The following NCAM2 variants were observed in gnomAD, a reference collection of about 807,000 sequenced individuals.
NCAM2 encodes neural cell adhesion molecule 2, also known as N-CAM-2.
A neutral mutation model predicts 98.1 loss-of-function variants in NCAM2; 30 were observed. The ratio of observed to expected loss-of-function variants is 0.31; its 90% confidence interval spans 0.23 to 0.41. NCAM2 has a LOEUF of 0.41. NCAM2 is among the 10% of genes least tolerant of loss of function. The pLI is 1.00. For synonymous variants in NCAM2, 368 were observed against 342.4 expected (o/e 1.07, Z -0.83); for missense variants, 867 against 1,005.8 (o/e 0.86, Z 1.87).
intron 5 of NCAM2, among the ~76,000 whole-genome samples, chr21:21,295,651 G>A (rs1213467205): frequency 6.6e-6 from 1 of 151,720 alleles, no homozygotes; most frequent in Non-Finnish European, 1.5e-5. Flanking sequence ...CCCAAATAGG[G>A]ACTTACCCTT....
At chr21:21,010,162 A>T (rs1475685089) in intron 1 of NCAM2, among the ~76,000 whole-genome samples, 1 of 151,968 alleles carries the variant, frequency 6.6e-6, no homozygotes, top group Admixed American at 6.6e-5. Flanking sequence ...CTCCCTCCTA[A>T]AGTTTACATA....
intron 6 of NCAM2, among the ~76,000 whole-genome samples, chr21:21,334,854 G>GAA (rs147963541): frequency 6.6e-6 from 1 of 151,400 alleles, no homozygotes; most frequent in East Asian, 1.9e-4. Flanking sequence ...TTTCAGTAGA[G>GAA]AAAAAAAACC....
chr21:21,309,590 G>A (rs896983215), intron 5 of NCAM2, among the ~76,000 whole-genome samples: 1 of 152,104 alleles, frequency 6.6e-6, no homozygotes. Flanking sequence ...CCTCTCATGG[G>A]TGCACTCATC....
Position 21,286,429 on chromosome 21 carries a change from C to A in NCAM2, c.481+17C>A. ...TTTCCGACAGTTAGTATTTTGGTAA[C>A]TCCCTAAGTTATATGTTCTAATACT... On this transcript the variant is annotated intron_variant, in intron 4 of 17. Transcript: ENST00000400546. 6.2e-7 allele frequency: 1 copy of A among 1,609,488 alleles called. No homozygotes were observed.
chr21:21,527,950 A>T (rs1989417607), intron 16 of NCAM2, among the ~76,000 whole-genome samples: 1 of 152,380 alleles, frequency 6.6e-6, no homozygotes. Flanking sequence ...CAATTAAAAC[A>T]TCCTTCAGTA....
intron 1 of NCAM2, among the ~76,000 whole-genome samples, chr21:21,247,180 G>A (rs981290369): frequency 1.7e-4 from 26 of 152,044 alleles, no homozygotes; most frequent in Non-Finnish European, 3.2e-4. Context: ...TTAGCCTGGC[G>A]TGGTGGTGGG....
chr21:21,404,405 A>T (rs2076694725), intron 9 of NCAM2, among the ~76,000 whole-genome samples: 1 of 152,074 alleles, frequency 6.6e-6, no homozygotes, highest in Non-Finnish European at 1.5e-5. Flanking sequence ...ACGAGAGCTG[A>T]TGGTTTTATA....
chr21:21,161,022 G>C (rs1165903963), intron 1 of NCAM2, among the ~76,000 whole-genome samples: 2 of 151,974 alleles, frequency 1.3e-5, no homozygotes, highest in Non-Finnish European at 2.9e-5. Flanking sequence ...CCCTGAAATA[G>C]TGATTGAGAA....
intron 14 of NCAM2, among the ~76,000 whole-genome samples, chr21:21,474,851 A>C (rs886498233): frequency 2.6e-5 from 4 of 151,980 alleles, no homozygotes; most frequent in African/African-American, 7.2e-5. Context: ...CATACTGAAT[A>C]TGCTATACAT....
chr21:21,255,672 G>A lies in NCAM2; in HGVS notation c.56-24906G>A, dbSNP rs1288208110. ...CTACTAGAATGTAAATTTCACAGTG[G>A]CAGAGTTTTCCATCTTTTGTCTTGA... On this transcript the variant is annotated intron_variant, in intron 1 of 17. Coordinates refer to ENST00000400546, the MANE Select transcript of NCAM2 (RefSeq NM_004540.5). Among the ~76,000 whole-genome samples the A allele has an allele frequency of 2.0e-5, 3 of 152,150 alleles. 1 individual carries two copies. The highest frequency in any genetic ancestry group is 4.1e-4 in the South Asian group (2 of 4,826).
rs557076010 is a variant in NCAM2 at position 21,438,560 on chromosome 21, T to G, written c.1654+6279T>G. Among the ~76,000 whole-genome samples, 26 of 152,274 alleles carry G rather than the reference T, an allele frequency of 1.7e-4. 1 individual carries two copies. The South Asian group carries it at 5.4e-3, about 32-fold the overall frequency. ...ATATCAACAACTCGAACTATAGAGATATAGAATGTGAGTCAGTGTGACTCT... is the reference window on the plus strand; with the variant it reads ...ATATCAACAACTCGAACTATAGAGAGATAGAATGTGAGTCAGTGTGACTCT... On this transcript the variant is annotated intron_variant, in intron 12 of 17. Transcript: ENST00000400546.
In NCAM2 at chr21:21,010,194, T is replaced by C. The variant is rs375565652; in HGVS notation, c.55+11576T>C. On this transcript the variant is annotated intron_variant, in intron 1 of 17. Transcript: ENST00000400546. ...CATATAATCACTTTAATTGGTAATC[T>C]AGATGAGTTATTTTATTTCAAAGCC... Among the ~76,000 whole-genome samples, 22 of 152,222 alleles carry C rather than the reference T, an allele frequency of 1.4e-4. No individual in the cohort carries two copies. In the South Asian group the frequency reaches 2.5e-3, roughly 17 times the overall value.
At chr21:21,262,505 A>G (rs2069962368) in intron 1 of NCAM2, among the ~76,000 whole-genome samples, 1 of 152,188 alleles carries the variant, frequency 6.6e-6, no homozygotes, top group African/African-American at 2.4e-5. Context: ...TCTCAAAATA[A>G]TAAGAGCTAT....
intron 1 of NCAM2, among the ~76,000 whole-genome samples, chr21:21,111,605 G>C (rs2066455879): frequency 2.0e-5 from 3 of 152,218 alleles, no homozygotes; most frequent in Admixed American, 2.0e-4. Context: ...ACAGAGCAGG[G>C]ATAATCCATT....
intron 8 of NCAM2, among the ~76,000 whole-genome samples, chr21:21,365,612 A>C (rs928910195): frequency 6.6e-6 from 1 of 152,074 alleles, no homozygotes; most frequent in Admixed American, 6.6e-5. Context: ...GATGACATAC[A>C]TGATGGTAGT....
chr21:21,153,779 T>C (rs2067522148), intron 1 of NCAM2, among the ~76,000 whole-genome samples: 1 of 151,800 alleles, frequency 6.6e-6, no homozygotes. Flanking sequence ...GTACATTCAA[T>C]CTATTAAGGG....
intron 1 of NCAM2, among the ~76,000 whole-genome samples, chr21:21,050,672 A>C (rs1457505438): frequency 6.6e-6 from 1 of 152,198 alleles, no homozygotes; most frequent in Non-Finnish European, 1.5e-5. Context: ...GAGATCTAAC[A>C]AGGAACCTGA....
Position 21,373,934 on chromosome 21 carries a change from G to T in NCAM2, c.1116G>T (p.Leu372Phe). 1 of 1,611,266 alleles carries T rather than the reference G, an allele frequency of 6.2e-7. No individual in the cohort carries two copies. Among genetic ancestry groups the T allele is most frequent in the East Asian group, 2.2e-5 (1 of 44,722 alleles). Reference protein sequence around the residue: ...SSSLHIKDVKLSDSGRYDCEA... With the variant: ...SSSLHIKDVKFSDSGRYDCEA... ...CACTGCATATTAAAGATGTGAAGTT[G>T]TCAGATTCAGGGAGATATGACTGTG... Residue 372 changes from leucine (L) to phenylalanine (F), a missense_variant, in exon 9 of 18, where the codon TTG becomes TTT. This residue lies in a region of NCAM2 where 447 missense variants were observed against 495.7 expected (regional missense o/e 0.90). Coordinates refer to ENST00000400546, the MANE Select transcript of NCAM2 (RefSeq NM_004540.5).
chr21:21,234,407 C>T (rs779477232), intron 1 of NCAM2, among the ~76,000 whole-genome samples: 40 of 151,772 alleles, frequency 2.6e-4, no homozygotes, highest in Non-Finnish European at 4.6e-4. Context: ...CAGTAAGACT[C>T]CTTGTAAGAA....
Sources: allele counts gnomAD v4.1 joint callset (sites outside exome capture counted in the v4.1 genomes callset), GRCh38; gene constraint gnomAD v4.1.1; regional missense constraint gnomAD v4.1.1; transcripts MANE v1.5; gene names NCBI Gene and HGNC (gene_info 2026-07-23, HGNC 2026-07-21).